The following PKNOX2 variants were observed in gnomAD, a reference collection of about 807,000 sequenced individuals.
The protein encoded by PKNOX2 is PBX/knotted 1 homeobox 2, also known as homeobox protein PKNOX2.
Under a neutral mutation model 53.1 loss-of-function variants are expected in PKNOX2, and 14 were observed. That is an observed-to-expected ratio of 0.26 (90% CI 0.17 to 0.41). PKNOX2 has a LOEUF of 0.41. Among genes scored for constraint, PKNOX2 ranks in the 10% least tolerant of loss-of-function variants. PKNOX2 has a pLI of 1.00. For missense variants in PKNOX2, 496 were observed against 602.8 expected (o/e 0.82, Z 1.85); for synonymous variants, 257 against 242.8 (o/e 1.06, Z -0.54).
intron 2 of PKNOX2, among the ~76,000 whole-genome samples, chr11:125,293,064 A>G (rs2135918991): frequency 6.6e-6 from 1 of 152,160 alleles, no homozygotes; most frequent in African/African-American, 2.4e-5. Context: ...TTATGTCAAA[A>G]CCACACATGC....
intron 1 of PKNOX2, among the ~76,000 whole-genome samples, chr11:125,208,335 T>C (rs1939400929): frequency 6.6e-6 from 1 of 152,088 alleles, no homozygotes; most frequent in Non-Finnish European, 1.5e-5. Flanking sequence ...GAAAGTTAGA[T>C]TGGGACCATG....
rs550824714 is a variant in PKNOX2, at chr11:125,380,005, T to C, written c.228-5546T>C. On this transcript the variant is annotated intron_variant, in intron 5 of 12. Transcript: ENST00000298282. ...GGGGAGAGGTGATGAGGGTAGGGGG[T>C]GGAGGGTGGGATGGGGGACTCAGAA... is the stretch of plus-strand genomic sequence containing the variant. 5.8e-3 allele frequency among the ~76,000 whole-genome samples: 144 copies of C among 24,864 alleles called. 3 individuals carry two copies. The South Asian group carries it at 0.07, about 12-fold the overall frequency. 16.3% of individuals were successfully genotyped at this position (24,864 alleles called of 152,430 possible). A position where few individuals can be genotyped will look rare whatever the true frequency, so the allele number is the denominator to read the frequency against.
At chr11:125,344,233 G>A (rs777552009) in intron 3 of PKNOX2, among the ~76,000 whole-genome samples, 17 of 152,272 alleles carry the variant, frequency 1.1e-4, no homozygotes, top group Middle Eastern at 3.4e-3. Context: ...CTGTTGGCCC[G>A]ACCACAGTGA....
chr11:125,294,400 C>T (rs1947514860), intron 2 of PKNOX2, among the ~76,000 whole-genome samples: 1 of 152,098 alleles, frequency 6.6e-6, no homozygotes, highest in Non-Finnish European at 1.5e-5. Context: ...GAGAGGAACC[C>T]AATTCAGCAT....
intron 2 of PKNOX2, among the ~76,000 whole-genome samples, chr11:125,268,160 T>A (rs115529976): frequency 0.012 from 1,810 of 152,142 alleles, 38 homozygotes; most frequent in African/African-American, 0.039. Flanking sequence ...CACCTGCCCC[T>A]CCCTGCTCTC....
At chr11:125,231,184 C>G (rs977698017) in intron 1 of PKNOX2, among the ~76,000 whole-genome samples, 2 of 152,210 alleles carry the variant, frequency 1.3e-5, no homozygotes, top group African/African-American at 4.8e-5. Context: ...CGGTCTGGTG[C>G]TCTCTGTGTC....
intron 3 of PKNOX2, among the ~76,000 whole-genome samples, chr11:125,343,930 A>G (rs1358265684): frequency 2.0e-5 from 3 of 151,816 alleles, no homozygotes; most frequent in Non-Finnish European, 4.4e-5. Context: ...TCAGAGCGGC[A>G]TGGCTGTCAG....
chr11:125,319,009 A>G (rs191928307), intron 2 of PKNOX2, among the ~76,000 whole-genome samples: 292 of 152,312 alleles, frequency 1.9e-3, no homozygotes, highest in African/African-American at 6.7e-3. Context: ...TCTTTTGTTC[A>G]TAAATTACCC....
At chr11:125,372,401 C>T (rs1952608728) in intron 5 of PKNOX2, among the ~76,000 whole-genome samples, 1 of 152,208 alleles carries the variant, frequency 6.6e-6, no homozygotes, top group African/African-American at 2.4e-5. Flanking sequence ...ATCTTACAGG[C>T]CAGTTCTTTA....
chr11:125,386,992 G>C (rs1229391536), intron 6 of PKNOX2, among the ~76,000 whole-genome samples: 1 of 152,168 alleles, frequency 6.6e-6, no homozygotes, highest in Non-Finnish European at 1.5e-5. Context: ...GAAGGCATCC[G>C]AGAGCCCCAA....
intron 2 of PKNOX2, among the ~76,000 whole-genome samples, chr11:125,268,267 C>G (rs1945514522): frequency 6.6e-6 from 1 of 152,224 alleles, no homozygotes; most frequent in Non-Finnish European, 1.5e-5. Context: ...CTTCCCCTTT[C>G]ACATGCAGTA....
chr11:125,234,778 A>C (rs1244136990), intron 1 of PKNOX2, among the ~76,000 whole-genome samples: 1 of 152,198 alleles, frequency 6.6e-6, no homozygotes, highest in Admixed American at 6.5e-5. Flanking sequence ...GGGAAGGGGA[A>C]TACAAGCCCT....
chr11:125,419,076 C>T (rs1411860770), intron 10 of PKNOX2, among the ~76,000 whole-genome samples: 1 of 151,906 alleles, frequency 6.6e-6, no homozygotes, highest in Non-Finnish European at 1.5e-5. Flanking sequence ...ACATGGCTGA[C>T]ATAGGAATGG....
chr11:125,416,350 CG>C (rs1253549091), intron 10 of PKNOX2, among the ~76,000 whole-genome samples: 2 of 146,698 alleles, frequency 1.4e-5, no homozygotes, highest in Non-Finnish European at 3.0e-5. Flanking sequence ...ACAACTTTGA[CG>C]TTTGGGAACT....
intron 2 of PKNOX2, among the ~76,000 whole-genome samples, chr11:125,272,284 C>T (rs1367417836): frequency 2.0e-5 from 3 of 152,106 alleles, no homozygotes; most frequent in East Asian, 3.9e-4. Flanking sequence ...GTAATTGATT[C>T]GCTGGTGGAA....
Position 125,165,297 on chromosome 11 carries a change from G to C in PKNOX2, c.-201+521G>C, listed in dbSNP as rs970534851. Among the ~76,000 whole-genome samples the C allele has an allele frequency of 4.6e-5, 7 of 152,206 alleles. No individual in the cohort carries two copies. The highest frequency in any genetic ancestry group is 3.9e-4 in the Admixed American group (6 of 15,302). On this transcript the variant is annotated intron_variant, in intron 1 of 12. Transcript: ENST00000298282. This position sits in a 1 kb window ranked among gnomAD's most constrained non-coding sequence, Gnocchi z 4.5. ...GGGGAGCTGTGCGCCAGGAGCGCCA[G>C]GGGACCCGAGAATAGGAACAGGCAC... is the stretch of plus-strand genomic sequence containing the variant.
chr11:125,221,413 C>A (rs1468955146), intron 1 of PKNOX2, among the ~76,000 whole-genome samples: 1 of 152,156 alleles, frequency 6.6e-6, no homozygotes, highest in African/African-American at 2.4e-5. Context: ...ACATTTACCC[C>A]CTTTGGTGAG....
At chr11:125,411,561 C>A in intron 9 of PKNOX2, 185 bp from the exon 10 acceptor site, 1 of 690,290 alleles carries the variant, frequency 1.4e-6, no homozygotes, top group Non-Finnish European at 2.4e-6. Context: ...CTCCCATCAC[C>A]CAAGCCTCAC....
chr11:125,263,393 G>A (rs1174297239), intron 2 of PKNOX2, among the ~76,000 whole-genome samples: 2 of 152,186 alleles, frequency 1.3e-5, no homozygotes, highest in East Asian at 3.9e-4. Flanking sequence ...GCCTAGTTTA[G>A]GCAAACAGCA....
Sources: allele counts gnomAD v4.1 joint callset (sites outside exome capture counted in the v4.1 genomes callset), GRCh38; gene constraint gnomAD v4.1.1; non-coding constraint Gnocchi (gnomAD v3.1); transcripts MANE v1.5; gene names NCBI Gene and HGNC (gene_info 2026-07-23, HGNC 2026-07-21).